Variants in LIMD1 observed in about 807,000 individuals in gnomAD.
The protein encoded by LIMD1 is LIM domain containing 1, also known as LIM domain-containing protein 1.
A neutral mutation model predicts 58.4 loss-of-function variants in LIMD1; 23 were observed. The ratio of observed to expected loss-of-function variants is 0.39; its 90% CI spans 0.28 to 0.56. The LOEUF (loss-of-function observed/expected upper bound fraction) is 0.56. Among genes scored for constraint, LIMD1 ranks in the 20% least tolerant of loss-of-function variants. The pLI, the probability that LIMD1 is intolerant of heterozygous loss-of-function variation, is 0.57. For missense variants in LIMD1, 838 were observed against 855.5 expected, an observed-to-expected ratio of 0.98 and a Z score of 0.25; for synonymous variants, 334 against 345.5, an observed-to-expected ratio of 0.97 and a Z score of 0.37.
In LIMD1 at chr3:45,683,919, C is replaced by T. The variant is rs771098328; in HGVS notation, c.*6860C>T. The stretch of plus-strand genomic sequence containing the variant: ...TTAGTCAGCCTACCACAGACTCCAA[C>T]GAACGTTTTTTGAGAGGAAATGAAA... On this transcript the variant is annotated 3_prime_UTR_variant, in exon 8 of 8. Transcript: ENST00000273317. 6.6e-6 allele frequency: 1 copy of T among 152,186 alleles called. No homozygotes were observed. The highest frequency in any genetic ancestry group is 1.5e-5 in the Non-Finnish European group (1 of 68,038). 9.4% of individuals were successfully genotyped at this position (152,186 alleles called of 1,614,324 possible). A position where few individuals can be genotyped will look rare whatever the true frequency, so the allele number is the denominator to read the frequency against.
At chr3:45,608,305 G>T (rs898246568) in intron 1 of LIMD1, among the ~76,000 whole-genome samples, 7 of 152,156 alleles carry the variant, frequency 4.6e-5, no homozygotes, top group Non-Finnish European at 1.0e-4. Context: ...AGGGTTGTTG[G>T]CTGGGAGAAG....
At chr3:45,624,570 G>T (rs184922881) in intron 1 of LIMD1, among the ~76,000 whole-genome samples, 37 of 152,066 alleles carry the variant, frequency 2.4e-4, no homozygotes, top group African/African-American at 8.4e-4. Flanking sequence ...AAAATAAAAA[G>T]AAATTAGCCG....
At chr3:45,673,526 T>C in intron 6 of LIMD1, 21 bp downstream of exon 6, 1 of 1,600,330 alleles carries the variant, frequency 6.2e-7, no homozygotes, top group Non-Finnish European at 8.6e-7. Flanking sequence ...CTTCCAGACA[T>C]GCTCCCAGGG....
chr3:45,674,283 A>C, intron 6 of LIMD1, 60 bp from the exon 7 acceptor site: 1 of 1,398,094 alleles, frequency 7.2e-7, no homozygotes, highest in Non-Finnish European at 1.0e-6. Context: ...ACGGTACATC[A>C]AGCCCGACAG....
intron 1 of LIMD1, among the ~76,000 whole-genome samples, chr3:45,603,218 A>G (rs376033035): frequency 6.6e-6 from 1 of 152,342 alleles, no homozygotes; most frequent in East Asian, 1.9e-4. Flanking sequence ...ATTCCAGCCT[A>G]GATTAAAAAA....
intron 1 of LIMD1, among the ~76,000 whole-genome samples, chr3:45,617,421 C>T (rs1366803450): frequency 1.3e-5 from 2 of 152,128 alleles, no homozygotes; most frequent in African/African-American, 4.8e-5. Context: ...GTTACACTCC[C>T]AGGCAGGCAC....
At chr3:45,638,086 T>A (rs1249356077) in intron 2 of LIMD1, among the ~76,000 whole-genome samples, 4 of 152,252 alleles carry the variant, frequency 2.6e-5, no homozygotes, top group Non-Finnish European at 5.9e-5. Context: ...TGATGATTGT[T>A]ACCCTGTGGA....
intron 6 of LIMD1, chr3:45,673,847 G>C: frequency 3.2e-6 from 1 of 309,506 alleles, no homozygotes; most frequent in South Asian, 5.3e-5. Flanking sequence ...CTATGATGGT[G>C]CTACTGCATT....
At chr3:45,643,463 C>T (rs1866402) in intron 2 of LIMD1, among the ~76,000 whole-genome samples, 28,485 of 149,968 alleles carry the variant, frequency 0.19, 3,073 homozygotes, top group Non-Finnish European at 0.25. Flanking sequence ...CCATCCTGGG[C>T]GACAGGGTGA....
At chr3:45,653,355 A>G (rs1701993290) in intron 2 of LIMD1, among the ~76,000 whole-genome samples, 1 of 152,188 alleles carries the variant, frequency 6.6e-6, no homozygotes, top group Non-Finnish European at 1.5e-5. Flanking sequence ...TATGAGGTGC[A>G]CTGGGCTGCG....
intron 3 of LIMD1, 75 bp downstream of exon 3, chr3:45,665,792 C>A: frequency 7.7e-7 from 1 of 1,291,564 alleles, no homozygotes; most frequent in Non-Finnish European, 1.1e-6. Context: ...GGGACCTGGG[C>A]CAGCGTGTAG....
Position 45,600,129 on chromosome 3 carries a change from T to C in LIMD1, c.1408+3842T>C, listed in dbSNP as rs1227452429. ...TACCCAACACGCTACATTTGTTAAA[T>C]AATGGTTAGATTCTACTTCCAAACA... On this transcript the variant is annotated intron_variant, in intron 1 of 7. Coordinates refer to ENST00000273317, the MANE Select transcript of LIMD1 (RefSeq NM_014240.3). Among the ~76,000 whole-genome samples the C allele has an allele frequency of 2.6e-5, 4 of 152,148 alleles. 1 individual carries two copies. In the East Asian group the frequency reaches 7.7e-4, roughly 29 times the overall value.
At chr3:45,612,068 GCGCTCT>G (rs1221770283) in intron 1 of LIMD1, among the ~76,000 whole-genome samples, 3 of 89,312 alleles carry the variant, frequency 3.4e-5, no homozygotes, top group Non-Finnish European at 9.2e-5. Flanking sequence ...TTGCAGGTGC[GCGCTCT>G]CTCTCTCTCT....
intron 1 of LIMD1, among the ~76,000 whole-genome samples, chr3:45,618,192 A>C (rs941596154): frequency 1.3e-5 from 2 of 152,060 alleles, no homozygotes; most frequent in African/African-American, 4.8e-5. Context: ...GGGCAGTTGA[A>C]AGCGTGCTGA....
At position 45,673,538 on chromosome 3, in the gene LIMD1, CT is replaced by C. The variant is rs1021714300; in HGVS notation, c.1824+35del. On this transcript the variant is annotated intron_variant, in intron 6 of 7. Transcript: ENST00000273317. ...GCCCTTCCAGACATGCTCCCAGGGG[CT>C]TCTAAGACATGAATATCTCCCTGGG... The C allele has an allele frequency of 2.6e-6, 4 of 1,543,698 alleles. No individual in the cohort carries two copies. The African/African-American group carries it at 4.1e-5, about 16-fold the overall frequency.
intron 2 of LIMD1, among the ~76,000 whole-genome samples, chr3:45,642,983 A>G (rs1701862789): frequency 6.6e-6 from 1 of 151,962 alleles, no homozygotes; most frequent in Non-Finnish European, 1.5e-5. Context: ...GGCACTGGAC[A>G]CTCTCAGGAA....
At chr3:45,663,668 G>A (rs887979965) in intron 2 of LIMD1, among the ~76,000 whole-genome samples, 1 of 151,780 alleles carries the variant, frequency 6.6e-6, no homozygotes, top group Admixed American at 6.6e-5. Context: ...TTCCCCATTG[G>A]ATTATTTATC....
chr3:45,604,159 G>A (rs897371563), intron 1 of LIMD1, among the ~76,000 whole-genome samples: 2 of 152,240 alleles, frequency 1.3e-5, no homozygotes, highest in African/African-American at 4.8e-5. Flanking sequence ...GTGAAGCTTG[G>A]GCTGGAGACA....
At chr3:45,616,847 C>T (rs1377118085) in intron 1 of LIMD1, among the ~76,000 whole-genome samples, 6 of 151,446 alleles carry the variant, frequency 4.0e-5, no homozygotes, top group East Asian at 3.9e-4. Context: ...CTCTGTCTCC[C>T]GGGCTCAAGT....
Sources: gnomAD v4.1 joint callset for allele counts (sites outside exome capture counted in the v4.1 genomes callset) on GRCh38, gnomAD v4.1.1 for gene constraint, MANE v1.5 for transcripts, NCBI Gene and HGNC (gene_info 2026-07-23, HGNC 2026-07-21) for gene names.